Variants in TUSC3 observed in about 807,000 individuals in gnomAD.
The protein encoded by TUSC3 is dolichyl-diphosphooligosaccharide--protein glycosyltransferase subunit TUSC3.
TUSC3 carries 45 observed loss-of-function variants against 44.8 expected under a neutral mutation model. The observed-to-expected ratio is 1.00, with a 90% CI of 0.79 to 1.29. TUSC3 has a LOEUF of 1.29. Among genes scored for constraint, TUSC3 ranks in the 50% most tolerant of loss-of-function variants. TUSC3 has a pLI of 0.00. For missense variants in TUSC3, 519 were observed against 437.9 expected (o/e 1.19, Z -1.65); for synonymous variants, 212 against 152.9 (o/e 1.39, Z -2.85).
chr8:15,516,750 A>C (rs1050409109), intron 2 of TUSC3, among the ~76,000 whole-genome samples: 1 of 152,200 alleles, frequency 6.6e-6, no homozygotes, highest in Non-Finnish European at 1.5e-5. Flanking sequence ...TACTCCTGTA[A>C]TGTTTGTTGA....
the TUSC3 span, among the ~76,000 whole-genome samples, chr8:15,795,434 G>A: frequency 1.3e-5 from 2 of 152,158 alleles, no homozygotes; most frequent in African/African-American, 4.8e-5. Flanking sequence ...CTAATTGGAG[G>A]ACTTCCAATG....
chr8:15,573,551 C>A (rs1244232287), intron 1 of TUSC3, among the ~76,000 whole-genome samples: 1 of 151,878 alleles, frequency 6.6e-6, no homozygotes, highest in Non-Finnish European at 1.5e-5. Context: ...TCTCTCCTTC[C>A]CCCCTCATCC....
intron 10 of TUSC3, among the ~76,000 whole-genome samples, chr8:15,759,389 G>C (rs1297934034): frequency 1.3e-5 from 2 of 151,918 alleles, no homozygotes; most frequent in Admixed American, 1.3e-4. Flanking sequence ...AACTTAACCG[G>C]CTTCCACTTG....
At chr8:15,632,708 A>G (rs1223426457) in intron 2 of TUSC3, among the ~76,000 whole-genome samples, 1 of 152,148 alleles carries the variant, frequency 6.6e-6, no homozygotes, top group Non-Finnish European at 1.5e-5. Context: ...ATTAGTTGTC[A>G]TTCTTCTGTA....
intron 1 of TUSC3, among the ~76,000 whole-genome samples, chr8:15,610,359 C>T (rs1306130345): frequency 6.6e-6 from 1 of 152,006 alleles, no homozygotes; most frequent in Non-Finnish European, 1.5e-5. Flanking sequence ...ATTATTGCTG[C>T]AAGGGAGTAG....
At position 15,765,942 on chromosome 8, in the gene TUSC3, A is replaced by G. The variant is rs142761887; in HGVS notation, c.*1786A>G. The G allele has an allele frequency of 2.6e-4, 39 of 152,222 alleles. No homozygotes were observed. The highest frequency in any genetic ancestry group is 8.9e-4 in the African/African-American group (37 of 41,572). The allele number at this position is 152,222 out of a possible 1,614,324, so 9.4% of individuals were successfully genotyped here. On this transcript the variant is annotated 3_prime_UTR_variant, in exon 11 of 11. Coordinates refer to ENST00000503731, the MANE Select transcript of TUSC3 (RefSeq NM_006765.4). ...GTTTGTATCCTTAAATCTCAGAATT[A>G]TCTTGCAGTTAATATGCAGCTGATT...
At chr8:15,575,741 TG>T (rs1191741626) in intron 1 of TUSC3, among the ~76,000 whole-genome samples, 1 of 152,158 alleles carries the variant, frequency 6.6e-6, no homozygotes, top group Non-Finnish European at 1.5e-5. Context: ...CACTCCAGCT[TG>T]GGTGACAGAG....
intron 3 of TUSC3, among the ~76,000 whole-genome samples, chr8:15,653,805 T>G (rs867343845): frequency 6.6e-6 from 1 of 152,246 alleles, no homozygotes; most frequent in Admixed American, 6.5e-5. Context: ...AATCATATTT[T>G]GCTGAAGTAC....
At chr8:15,706,334 C>A (rs1484184889) in intron 6 of TUSC3, among the ~76,000 whole-genome samples, 4 of 151,958 alleles carry the variant, frequency 2.6e-5, no homozygotes, top group Non-Finnish European at 4.4e-5. Context: ...AAAGTGTTAT[C>A]TTTTCAAGAG....
At chr8:15,457,104 G>A (rs1003487341) in intron 1 of TUSC3, among the ~76,000 whole-genome samples, 17 of 148,322 alleles carry the variant, frequency 1.1e-4, no homozygotes, top group Non-Finnish European at 3.0e-5. Context: ...ACTCATAGGT[G>A]GGAATTGAAC....
intron 1 of TUSC3, among the ~76,000 whole-genome samples, chr8:15,444,044 C>G (rs1034171801): frequency 1.5e-4 from 23 of 152,210 alleles, no homozygotes; most frequent in African/African-American, 5.5e-4. Flanking sequence ...AAACCCTGGT[C>G]TCCCACAGAA....
chr8:15,740,044 A>G (rs905934721), intron 7 of TUSC3, among the ~76,000 whole-genome samples: 1 of 152,218 alleles, frequency 6.6e-6, no homozygotes, highest in African/African-American at 2.4e-5. Context: ...CAATAAGTAC[A>G]TTGTAAAACG....
chr8:15,733,368 A>G (rs1401515214), intron 7 of TUSC3: 2 of 379,188 alleles, frequency 5.3e-6, no homozygotes, highest in Admixed American at 3.5e-5. Context: ...TTTTTTTCCT[A>G]ACTTGTTTCA....
chr8:15,844,885 G>A, the TUSC3 span, among the ~76,000 whole-genome samples: 5 of 152,098 alleles, frequency 3.3e-5, no homozygotes, highest in East Asian at 9.7e-4. Context: ...GTGATACTCT[G>A]AGGACTATCC....
the TUSC3 span, among the ~76,000 whole-genome samples, chr8:15,843,209 C>G: frequency 0.032 from 4,832 of 152,216 alleles, 260 homozygotes; most frequent in African/African-American, 0.11. Flanking sequence ...TTATGGCAAA[C>G]ACACTACAAT....
chr8:15,831,140 A>C, the TUSC3 span, among the ~76,000 whole-genome samples: 1 of 152,310 alleles, frequency 6.6e-6, no homozygotes, highest in Middle Eastern at 3.4e-3. Flanking sequence ...TGGAGCGCAA[A>C]ACAAGTCCCC....
intron 1 of TUSC3, among the ~76,000 whole-genome samples, chr8:15,594,216 A>G (rs1803974469): frequency 6.6e-6 from 1 of 151,808 alleles, no homozygotes; most frequent in Non-Finnish European, 1.5e-5. Flanking sequence ...ATCTGCTGTT[A>G]ATTCCTTCTG....
At chr8:15,621,699 C>G (rs1805254111) in intron 1 of TUSC3, among the ~76,000 whole-genome samples, 2 of 149,314 alleles carry the variant, frequency 1.3e-5, no homozygotes, top group Non-Finnish European at 3.0e-5. Context: ...GTAAATCTAA[C>G]TAAATGCAAG....
chr8:15,576,253 C>T (rs80055080), intron 1 of TUSC3, among the ~76,000 whole-genome samples: 252 of 118,404 alleles, frequency 2.1e-3, no homozygotes, highest in Non-Finnish European at 2.2e-3. Flanking sequence ...CTTTTTCTTT[C>T]TTTTTTTTTT....
Sources: gnomAD v4.1 joint callset for allele counts (sites outside exome capture counted in the v4.1 genomes callset) on GRCh38, gnomAD v4.1.1 for gene constraint, MANE v1.5 for transcripts, NCBI Gene and HGNC (gene_info 2026-07-23, HGNC 2026-07-21) for gene names.